PRKCE: variants seen among roughly 807,000 people sequenced by gnomAD.
The protein encoded by PRKCE is protein kinase C epsilon, also known as protein kinase C epsilon type.
PRKCE carries 16 observed loss-of-function variants against 85.4 expected under a neutral mutation model. The observed-to-expected ratio is 0.19, with a 90% CI of 0.13 to 0.28. The LOEUF (loss-of-function observed/expected upper bound fraction) is 0.28, where lower values mean the gene tolerates loss of function less well. PRKCE is among the 10% of genes least tolerant of loss of function. The pLI, the probability that PRKCE is intolerant of heterozygous loss-of-function variation, is 1.00. For missense variants in PRKCE, 573 were observed against 975.2 expected, an observed-to-expected ratio of 0.59 and a Z score of 5.49; for synonymous variants, 388 against 371.5, an observed-to-expected ratio of 1.04 and a Z score of -0.51.
intron 1 of PRKCE, among the ~76,000 whole-genome samples, chr2:45,728,891 G>A (rs1047395582): frequency 6.6e-6 from 1 of 152,202 alleles, no homozygotes; most frequent in African/African-American, 2.4e-5. Context: ...TTGGAGCTGG[G>A]TGTTAGCAAA....
chr2:45,681,376 G>T (rs1444916847), intron 1 of PRKCE, among the ~76,000 whole-genome samples: 1 of 148,830 alleles, frequency 6.7e-6, no homozygotes, highest in East Asian at 2.0e-4. Context: ...GTGATTGAGT[G>T]TCTAGGGCAA....
At chr2:46,078,704 T>A (rs936211623) in intron 10 of PRKCE, 1 of 152,204 alleles carries the variant, frequency 6.6e-6, no homozygotes, top group African/African-American at 2.4e-5. Flanking sequence ...CACATGTGAT[T>A]TTCGTCTCTG....
intron 2 of PRKCE, among the ~76,000 whole-genome samples, chr2:45,885,586 GC>G (rs910506216): frequency 4.6e-5 from 7 of 152,314 alleles, no homozygotes; most frequent in Non-Finnish European, 7.3e-5. Flanking sequence ...CTGTCTGATT[GC>G]CTCTGGTCTG....
chr2:46,099,767 A>G (rs761352374), intron 11 of PRKCE, among the ~76,000 whole-genome samples: 5 of 152,284 alleles, frequency 3.3e-5, no homozygotes, highest in Admixed American at 2.0e-4. Context: ...ACATTTATCG[A>G]GAAAACTCCA....
At chr2:45,806,133 C>T (rs1688225638) in intron 1 of PRKCE, among the ~76,000 whole-genome samples, 1 of 152,128 alleles carries the variant, frequency 6.6e-6, no homozygotes, top group African/African-American at 2.4e-5. Flanking sequence ...GCGCTCATCC[C>T]AACCTTCAAG....
intron 2 of PRKCE, among the ~76,000 whole-genome samples, chr2:45,878,635 A>G (rs980337259): frequency 2.0e-5 from 3 of 152,188 alleles, no homozygotes; most frequent in African/African-American, 7.2e-5. Context: ...AATTTTTTCT[A>G]GCATTTTCAG....
At chr2:45,984,861 C>G (rs1336657390) in intron 6 of PRKCE, among the ~76,000 whole-genome samples, 181 bp downstream of exon 6, 1 of 152,168 alleles carries the variant, frequency 6.6e-6, no homozygotes, top group Non-Finnish European at 1.5e-5. Context: ...TGGGCAGAGA[C>G]CATCCAGGAC....
At chr2:45,802,944 C>A (rs1687981220) in intron 1 of PRKCE, among the ~76,000 whole-genome samples, 2 of 152,200 alleles carry the variant, frequency 1.3e-5, no homozygotes, top group Admixed American at 1.3e-4. Flanking sequence ...GATGCAATGT[C>A]ACCTTTTTAC....
intron 12 of PRKCE, 84 bp from the exon 13 acceptor site, chr2:46,150,957 G>A: frequency 1.6e-6 from 2 of 1,289,666 alleles, no homozygotes; most frequent in Non-Finnish European, 2.1e-6. Flanking sequence ...TGGAATTGAA[G>A]TCCTTCCCAT....
At chr2:46,080,536 A>C (rs1186439109) in intron 10 of PRKCE, among the ~76,000 whole-genome samples, 1 of 152,150 alleles carries the variant, frequency 6.6e-6, no homozygotes, top group Non-Finnish European at 1.5e-5. Flanking sequence ...GTGTTCAAGA[A>C]CTCAGGCATT....
intron 1 of PRKCE, among the ~76,000 whole-genome samples, chr2:45,702,910 A>C (rs560490420): frequency 3.9e-5 from 6 of 152,218 alleles, no homozygotes; most frequent in Non-Finnish European, 2.9e-5. Context: ...GTCATTCCAC[A>C]GAAAGACTTC....
At chr2:46,116,787 GA>G (rs1672815270) in intron 11 of PRKCE, among the ~76,000 whole-genome samples, 1 of 152,154 alleles carries the variant, frequency 6.6e-6, no homozygotes, top group Admixed American at 6.5e-5. Context: ...AGAGAAATAG[GA>G]GGAGTAAAAG....
At chr2:45,710,035 C>T (rs933848027) in intron 1 of PRKCE, among the ~76,000 whole-genome samples, 1 of 152,070 alleles carries the variant, frequency 6.6e-6, no homozygotes, top group Non-Finnish European at 1.5e-5. Context: ...GGTCTCGAAC[C>T]CCTGACCTCA....
chr2:46,043,599 C>G lies in PRKCE; in HGVS notation c.1437+33082C>G, dbSNP rs61231097. On this transcript the variant is annotated intron_variant, in intron 10 of 14. Transcript: ENST00000306156. ...TCTTCATTAGCAGCAAAAATGAGTT[C>G]TTGGTTGTGTGTTTGGGCAGTGGGG... is the stretch of plus-strand genomic sequence containing the variant. Among the ~76,000 whole-genome samples the G allele has an allele frequency of 4.1e-3, 631 of 152,102 alleles. 7 individuals are homozygous for G. Among genetic ancestry groups the G allele is most frequent in the African/African-American group, 0.014 (598 of 41,498 alleles).
At chr2:46,169,927 C>A (rs755241356) in intron 14 of PRKCE, among the ~76,000 whole-genome samples, 4 of 152,206 alleles carry the variant, frequency 2.6e-5, no homozygotes, top group African/African-American at 9.6e-5. Flanking sequence ...CCCACTGTTA[C>A]TGTCTGTGAG....
intron 12 of PRKCE, among the ~76,000 whole-genome samples, chr2:46,147,331 C>G (rs140784233): frequency 6.6e-6 from 1 of 152,288 alleles, no homozygotes; most frequent in East Asian, 1.9e-4. Flanking sequence ...TTGATGCCAT[C>G]ATTCATTCTT....
chr2:45,729,097 G>A (rs1248637315), intron 1 of PRKCE, among the ~76,000 whole-genome samples: 1 of 152,186 alleles, frequency 6.6e-6, no homozygotes, highest in Non-Finnish European at 1.5e-5. Context: ...CTACCATGAT[G>A]ACTTGGAAGC....
chr2:45,803,033 G>A (rs538475502), intron 1 of PRKCE, among the ~76,000 whole-genome samples: 25 of 152,286 alleles, frequency 1.6e-4, no homozygotes, highest in South Asian at 1.2e-3. Context: ...GTATAGACAC[G>A]TATTTTTTTA....
At chr2:45,938,955 C>T (rs1261362693) in intron 2 of PRKCE, among the ~76,000 whole-genome samples, 3 of 152,112 alleles carry the variant, frequency 2.0e-5, no homozygotes, top group African/African-American at 4.8e-5. Flanking sequence ...TGGAGTCTTG[C>T]GGCTGAGTCA....
Sources: gnomAD v4.1 joint callset for allele counts (sites outside exome capture counted in the v4.1 genomes callset) on GRCh38, gnomAD v4.1.1 for gene constraint, MANE v1.5 for transcripts, NCBI Gene and HGNC (gene_info 2026-07-23, HGNC 2026-07-21) for gene names.